Variants in PNLIPRP3 observed in about 807,000 individuals in gnomAD.
PNLIPRP3 encodes pancreatic lipase related protein 3.
A neutral mutation model predicts 52.8 loss-of-function variants in PNLIPRP3; 58 were observed. The observed-to-expected ratio is 1.10, with a 90% CI of 0.89 to 1.37. The LOEUF (loss-of-function observed/expected upper bound fraction) is 1.37. Among genes scored for constraint, PNLIPRP3 ranks in the 40% most tolerant of loss-of-function variants. The pLI is 0.00. For missense variants in PNLIPRP3, 593 were observed against 561.6 expected, an observed-to-expected ratio of 1.06 and a Z score of -0.57; for synonymous variants, 192 against 185.0, an observed-to-expected ratio of 1.04 and a Z score of -0.31.
At chr10:116,443,797 G>A (rs1845897373) in intron 3 of PNLIPRP3, among the ~76,000 whole-genome samples, 1 of 120,148 alleles carries the variant, frequency 8.3e-6, no homozygotes, top group African/African-American at 3.5e-5. Flanking sequence ...ATGTATGTGT[G>A]TGTGCATATA....
At chr10:116,450,041 A>G (rs1196575210) in intron 4 of PNLIPRP3, among the ~76,000 whole-genome samples, 1 of 152,226 alleles carries the variant, frequency 6.6e-6, no homozygotes, top group Admixed American at 6.5e-5. Flanking sequence ...ATAAAATACC[A>G]TTAGACAAAT....
chr10:116,469,408 G>A, intron 9 of PNLIPRP3, 91 bp downstream of exon 9: 1 of 1,284,126 alleles, frequency 7.8e-7, no homozygotes, highest in East Asian at 2.6e-5. Flanking sequence ...CTAAATAACT[G>A]GGCATTAGGC....
chr10:116,431,677 A>G (rs1296820929), intron 1 of PNLIPRP3, among the ~76,000 whole-genome samples: 1 of 152,206 alleles, frequency 6.6e-6, no homozygotes, highest in East Asian at 1.9e-4. Flanking sequence ...AAACTAGAAA[A>G]CAAATAAATG....
intron 1 of PNLIPRP3, 82 bp from the exon 2 acceptor site, chr10:116,436,629 T>G (rs11197681): frequency 0.1 from 134,843 of 1,346,088 alleles, 8,534 homozygotes; most frequent in Admixed American, 0.29. Context: ...CAAAATTAAA[T>G]TCTACTTTAA....
intron 10 of PNLIPRP3, among the ~76,000 whole-genome samples, chr10:116,474,559 C>T (rs1439856104): frequency 3.3e-5 from 5 of 152,202 alleles, no homozygotes; most frequent in Admixed American, 1.3e-4. Flanking sequence ...ATCTGATAAA[C>T]GTCTAATATC....
intron 9 of PNLIPRP3, among the ~76,000 whole-genome samples, chr10:116,470,506 T>C (rs1846351555): frequency 1.8e-5 from 2 of 108,410 alleles, no homozygotes; most frequent in African/African-American, 3.4e-5. Flanking sequence ...AATATATATA[T>C]ATATATAATT....
chr10:116,448,182 A>G, intron 4 of PNLIPRP3, among the ~76,000 whole-genome samples: 1 of 152,308 alleles, frequency 6.6e-6, no homozygotes, highest in East Asian at 1.9e-4. Context: ...CTAGTATAAA[A>G]GTTAAAAGAC....
chr10:116,472,999 G>T (rs148741683), intron 10 of PNLIPRP3, among the ~76,000 whole-genome samples: 87 of 152,358 alleles, frequency 5.7e-4, no homozygotes, highest in African/African-American at 2.0e-3. Flanking sequence ...CTCACAGGAC[G>T]CTGGGTAAAG....
At chr10:116,474,244 T>C (rs1017950391) in intron 10 of PNLIPRP3, among the ~76,000 whole-genome samples, 7 of 152,184 alleles carry the variant, frequency 4.6e-5, no homozygotes, top group South Asian at 2.1e-4. Flanking sequence ...GCTAGCCATA[T>C]GCCAAAGACT....
intron 7 of PNLIPRP3, among the ~76,000 whole-genome samples, chr10:116,464,346 T>A (rs748892555): frequency 2.3e-4 from 35 of 152,164 alleles, no homozygotes; most frequent in Non-Finnish European, 4.1e-4. Flanking sequence ...GATACAGGAT[T>A]TTTTTCCATG....
intron 2 of PNLIPRP3, 107 bp downstream of exon 2, chr10:116,436,972 C>T (rs1245123127): frequency 8.8e-7 from 1 of 1,133,342 alleles, no homozygotes; most frequent in Admixed American, 2.7e-5. Flanking sequence ...ATGCTATTGA[C>T]TTAAATGCAA....
intron 9 of PNLIPRP3, among the ~76,000 whole-genome samples, chr10:116,470,760 G>A (rs1004749014): frequency 6.6e-6 from 1 of 151,986 alleles, no homozygotes; most frequent in Non-Finnish European, 1.5e-5. Flanking sequence ...TGACCGCCTC[G>A]GACTCCCAAA....
chr10:116,445,822 A>G (rs1835021979), intron 4 of PNLIPRP3, among the ~76,000 whole-genome samples: 1 of 152,152 alleles, frequency 6.6e-6, no homozygotes, highest in Non-Finnish European at 1.5e-5. Flanking sequence ...TTAAAGAAGG[A>G]GCAGCTAAAG....
intron 4 of PNLIPRP3, among the ~76,000 whole-genome samples, chr10:116,445,448 C>G (rs185285330): frequency 6.6e-6 from 1 of 152,046 alleles, no homozygotes; most frequent in Non-Finnish European, 1.5e-5. Context: ...ATTTATGCCC[C>G]GACACTTCTC....
At chr10:116,475,136 A>G (rs1846439076) in intron 10 of PNLIPRP3, among the ~76,000 whole-genome samples, 1 of 152,224 alleles carries the variant, frequency 6.6e-6, no homozygotes. Flanking sequence ...CTTTGCAGGA[A>G]CATGGATGGA....
intron 10 of PNLIPRP3, among the ~76,000 whole-genome samples, chr10:116,474,140 C>T (rs1453042059): frequency 6.6e-6 from 1 of 151,962 alleles, no homozygotes; most frequent in African/African-American, 2.4e-5. Context: ...GAAATAAGGC[C>T]GCATACCTAT....
intron 10 of PNLIPRP3, among the ~76,000 whole-genome samples, chr10:116,474,569 C>T (rs1846428250): frequency 2.6e-5 from 4 of 152,100 alleles, no homozygotes; most frequent in Admixed American, 2.6e-4. Flanking sequence ...CGTCTAATAT[C>T]CCACATCTGT....
Position 116,461,067 on chromosome 10 carries a change from C to G in PNLIPRP3, c.667C>G (p.Arg223Gly). The stretch of plus-strand genomic sequence containing the variant: ...TGACGTTATTCATACAAATGCAGCT[C>G]GCATCCTCTTTGAGCTTGGTAAGTT... ...FVDVIHTNAA[R>G]ILFELGVGTI... is the part of the protein sequence containing the mutation. Residue 223 changes from arginine (R) to glycine (G), a missense_variant, in exon 6 of 12, where the codon CGC (arginine) becomes GGC (glycine). Coordinates refer to ENST00000369230, the MANE Select transcript of PNLIPRP3 (RefSeq NM_001011709.3). The G allele has an allele frequency of 6.2e-7, 1 of 1,614,184 alleles. No homozygotes were observed. Among genetic ancestry groups the G allele is most frequent in the Non-Finnish European group, 8.5e-7 (1 of 1,180,040 alleles).
intron 4 of PNLIPRP3, among the ~76,000 whole-genome samples, chr10:116,453,271 C>T (rs1479043791): frequency 1.3e-5 from 2 of 152,156 alleles, no homozygotes; most frequent in African/African-American, 4.8e-5. Context: ...AATTCCTGTA[C>T]CTCCCTTATG....
Sources: allele counts gnomAD v4.1 joint callset (sites outside exome capture counted in the v4.1 genomes callset), GRCh38; gene constraint gnomAD v4.1.1; transcripts MANE v1.5; gene names NCBI Gene and HGNC (gene_info 2026-07-23, HGNC 2026-07-21).